MCM10: variants seen among roughly 807,000 people sequenced by gnomAD.
MCM10 encodes the protein protein MCM10 homolog.
In MCM10, 91 loss-of-function variants were observed where a neutral mutation model predicts 109.9. The observed-to-expected ratio is 0.83, with a 90% CI of 0.70 to 0.99. The LOEUF (loss-of-function observed/expected upper bound fraction) is 0.99. Among genes scored for constraint, MCM10 ranks in the 50% least tolerant of loss-of-function variants. The pLI is 0.00. For missense variants in MCM10, 1,077 were observed against 1,061.2 expected (o/e 1.01, Z -0.21); for synonymous variants, 380 against 387.2 (o/e 0.98, Z 0.22).
chr10:13,196,659 C>T (rs978438319), intron 14 of MCM10, among the ~76,000 whole-genome samples: 1 of 151,760 alleles, frequency 6.6e-6, no homozygotes, highest in Admixed American at 6.6e-5. Flanking sequence ...ATTACAGGTG[C>T]CCACCACCAT....
intron 14 of MCM10, 62 bp downstream of exon 14, chr10:13,195,331 AAGAC>A: frequency 8.0e-7 from 1 of 1,257,352 alleles, no homozygotes; most frequent in Non-Finnish European, 1.1e-6. Flanking sequence ...AGCTGGAGGA[AAGAC>A]AGACACCTAA....
At chr10:13,170,763 G>A (rs1834060005) in intron 2 of MCM10, among the ~76,000 whole-genome samples, 159 bp from the exon 3 acceptor site, 1 of 152,208 alleles carries the variant, frequency 6.6e-6, no homozygotes, top group Non-Finnish European at 1.5e-5. Context: ...ATAGTGTGAT[G>A]CTGAGGTTTG....
At chr10:13,175,083 G>A (rs775590407) in intron 5 of MCM10, among the ~76,000 whole-genome samples, 1 of 151,604 alleles carries the variant, frequency 6.6e-6, no homozygotes. Flanking sequence ...AGCTGAGATC[G>A]CACCACTGCA....
intron 18 of MCM10, among the ~76,000 whole-genome samples, chr10:13,208,528 G>A (rs1157061047): frequency 6.8e-6 from 1 of 146,866 alleles, no homozygotes; most frequent in Non-Finnish European, 1.5e-5. Context: ...CCAGGAGTTT[G>A]AGGCCAGCGT....
At chr10:13,189,922 T>C (rs1834325392) in intron 10 of MCM10, among the ~76,000 whole-genome samples, 1 of 152,086 alleles carries the variant, frequency 6.6e-6, no homozygotes, top group African/African-American at 2.4e-5. Context: ...TTTGGAAGAA[T>C]TGTCTTGGAC....
intron 17 of MCM10, 126 bp from the exon 18 acceptor site, chr10:13,204,093 C>T: frequency 1.7e-6 from 2 of 1,148,304 alleles, no homozygotes; most frequent in South Asian, 3.3e-5. Context: ...GGCCCAGTCC[C>T]CTAGCAAGGG....
Position 13,172,314 on chromosome 10 carries a change from T to C in MCM10, c.350-62T>C. Reference sequence around the variant, plus strand: ...TGGACAACAAAAATATTGCCCGCATTTTTGTCATGTAGAACGTTTTCTCCT... The same window carrying C: ...TGGACAACAAAAATATTGCCCGCATCTTTGTCATGTAGAACGTTTTCTCCT... On this transcript the variant is annotated intron_variant, in intron 3 of 19. Coordinates refer to ENST00000378714, the MANE Select transcript of MCM10 (RefSeq NM_018518.5). The surrounding 1 kb of genome is among the most constrained non-coding windows in gnomAD (Gnocchi z 5.2). The C allele has an allele frequency of 7.7e-7, 1 of 1,303,986 alleles. No individual in the cohort carries two copies. Among genetic ancestry groups the C allele is most frequent in the Non-Finnish European group, 1.1e-6 (1 of 906,532 alleles). The allele number at this position is 1,303,986 out of a possible 1,614,324, so 80.8% of individuals were successfully genotyped here.
intron 14 of MCM10, among the ~76,000 whole-genome samples, chr10:13,196,591 C>T (rs745401332): frequency 6.6e-6 from 1 of 152,052 alleles, no homozygotes. Context: ...CGCCTCACTG[C>T]ATCCTCTGCC....
At chr10:13,199,288 ATT>A (rs949563431) in intron 16 of MCM10, among the ~76,000 whole-genome samples, 3 of 152,208 alleles carry the variant, frequency 2.0e-5, no homozygotes, top group African/African-American at 4.8e-5. Flanking sequence ...TTTCTAATAA[ATT>A]TTAGCTTTGT....
At chr10:13,197,570 G>A (rs1232488102) in intron 14 of MCM10, 53 bp from the exon 15 acceptor site, 13 of 1,556,516 alleles carry the variant, frequency 8.4e-6, no homozygotes, top group Non-Finnish European at 1.0e-5. Flanking sequence ...AGGTCTATAA[G>A]TGCCTCTGTC....
chr10:13,187,525 C>G lies in MCM10; in HGVS notation c.1215+1245C>G, dbSNP rs766900070. 5.3e-5 allele frequency among the ~76,000 whole-genome samples: 8 copies of G among 152,168 alleles called. 1 individual carries two copies. Among genetic ancestry groups the G allele is most frequent in the Non-Finnish European group, 1.5e-5 (1 of 68,040 alleles). Reference sequence around the variant, plus strand: ...TGGGATTGCTGGGTCAACATGGTAACTGTCCAGAGTTTGGAGGAACTGCCA... The same window carrying G: ...TGGGATTGCTGGGTCAACATGGTAAGTGTCCAGAGTTTGGAGGAACTGCCA... On this transcript the variant is annotated intron_variant, in intron 9 of 19. Transcript: ENST00000378714.
In MCM10 at chr10:13,183,034, G is replaced by A. The variant is rs779305525; in HGVS notation, c.1032G>A (p.Thr344=). 6 of 1,614,154 alleles carry A rather than the reference G, an allele frequency of 3.7e-6. No individual in the cohort carries two copies. The highest frequency in any genetic ancestry group is 3.3e-5 in the Admixed American group (2 of 60,016). The change falls in exon 8 of 20, where the codon ACG becomes ACA. Residue 344 remains threonine, a synonymous_variant. Transcript: ENST00000378714. ...AAGTTCACAAAGCGCTCTGGAAGACGGAGCAGGGGACTGTCGTAGGGATCC... is the reference window on the plus strand; with the variant it reads ...AAGTTCACAAAGCGCTCTGGAAGACAGAGCAGGGGACTGTCGTAGGGATCC... ...FGEVHKALWK[T]EQGTVVGILN... is the part of the protein sequence containing the mutation.
At chr10:13,205,333 C>T (rs1437713773) in intron 18 of MCM10, among the ~76,000 whole-genome samples, 1 of 152,084 alleles carries the variant, frequency 6.6e-6, no homozygotes, top group Non-Finnish European at 1.5e-5. Flanking sequence ...CCTCCAGTTC[C>T]ATCCATGTTG....
Position 13,210,983 on chromosome 10 carries a change from C to G in MCM10, c.*1673C>G, listed in dbSNP as rs1246511678. 1 of 152,076 alleles carries G rather than the reference C, an allele frequency of 6.6e-6. No individual in the cohort carries two copies. The highest frequency in any genetic ancestry group is 2.1e-4 in the South Asian group (1 of 4,812). The allele number at this position is 152,076 out of a possible 1,614,324, so 9.4% of individuals were successfully genotyped here. On this transcript the variant is annotated 3_prime_UTR_variant, in exon 20 of 20. Coordinates refer to ENST00000378714, the MANE Select transcript of MCM10 (RefSeq NM_018518.5). ...TTTGAACAGAGGGTATCATTGCAGTCAGTATTCACGTGTATATTGTTATAT... is the reference window on the plus strand; with the variant it reads ...TTTGAACAGAGGGTATCATTGCAGTGAGTATTCACGTGTATATTGTTATAT...
At position 13,195,262 on chromosome 10, in the gene MCM10, C is replaced by G; in HGVS notation, c.1967C>G (p.Ala656Gly). Residue 656 changes from alanine (A) to glycine (G), a missense_variant, in exon 14 of 20, where the codon GCC becomes GGC. Physicochemically the swap from Ala to Gly is moderately conservative, Grantham distance 60 (BLOSUM62 0). Transcript: ENST00000378714. Reference sequence around the variant, plus strand: ...CCAAAACTGAGTGCTTTAGCAGAAGCCAAAAAGGTAACTGGCATCTCTTCT... The same window carrying G: ...CCAAAACTGAGTGCTTTAGCAGAAGGCAAAAAGGTAACTGGCATCTCTTCT... ...PRPKLSALAE[A>G]KKLAAITKLR... 1 of 1,595,264 alleles carries G rather than the reference C, an allele frequency of 6.3e-7. No individual in the cohort carries two copies. The highest frequency in any genetic ancestry group is 8.6e-7 in the Non-Finnish European group (1 of 1,169,552).
intron 17 of MCM10, among the ~76,000 whole-genome samples, chr10:13,203,172 G>A (rs189262533): frequency 6.6e-6 from 1 of 152,240 alleles, no homozygotes; most frequent in African/African-American, 2.4e-5. Flanking sequence ...TATCTCTTAT[G>A]TAGGTCAGAA....
At chr10:13,196,918 T>G (rs1010341921) in intron 14 of MCM10, among the ~76,000 whole-genome samples, 1 of 149,194 alleles carries the variant, frequency 6.7e-6, no homozygotes, top group Non-Finnish European at 1.5e-5. Context: ...CATCATTTCC[T>G]TCTCTTTTTT....
Position 13,164,233 on chromosome 10 carries a change from A to T in MCM10, c.7+24A>T, listed in dbSNP as rs7090944. On this transcript the variant is annotated intron_variant, in intron 2 of 19. Transcript: ENST00000378714. The stretch of plus-strand genomic sequence containing the variant: ...TGGTAAGACCTGGCAGTTTTCTGTT[A>T]CTCTGTTTCAAGGAAAACTAACCTT... 0.77 allele frequency: 1,221,025 copies of T among 1,585,578 alleles called. 471,722 individuals are homozygous for T. Among genetic ancestry groups the T allele is most frequent in the Middle Eastern group, 0.91 (5,435 of 5,952 alleles).
chr10:13,207,073 G>A (rs1812604606), intron 18 of MCM10, among the ~76,000 whole-genome samples: 1 of 152,140 alleles, frequency 6.6e-6, no homozygotes, highest in East Asian at 1.9e-4. Context: ...CCAAAGTGCT[G>A]GGATTGCAGG....
Sources: gnomAD v4.1 joint callset for allele counts (sites outside exome capture counted in the v4.1 genomes callset) on GRCh38, gnomAD v4.1.1 for gene constraint, Gnocchi (gnomAD v3.1) non-coding constraint, MANE v1.5 for transcripts, NCBI Gene and HGNC (gene_info 2026-07-23, HGNC 2026-07-21) for gene names.